The following SUCLG2 variants were observed in gnomAD, a reference collection of about 807,000 sequenced individuals.
SUCLG2 encodes the protein succinate-CoA ligase GDP-forming subunit beta, also known as succinate--CoA ligase [GDP-forming] subunit beta, mitochondrial.
Under a neutral mutation model 47.9 loss-of-function variants are expected in SUCLG2, and 42 were observed. The observed-to-expected ratio is 0.88, with a 90% confidence interval of 0.69 to 1.14. The LOEUF is 1.14. SUCLG2 is among the 50% of genes most tolerant of loss of function. SUCLG2 has a pLI of 0.00. For synonymous variants in SUCLG2, 195 were observed against 197.3 expected, an observed-to-expected ratio of 0.99 and a Z score of 0.10; for missense variants, 571 against 525.9, an observed-to-expected ratio of 1.09 and a Z score of -0.84.
chr3:67,442,448 T>C (rs535557323), intron 9 of SUCLG2, among the ~76,000 whole-genome samples: 2 of 152,288 alleles, frequency 1.3e-5, no homozygotes, highest in South Asian at 2.1e-4. Flanking sequence ...GGCTACTAAA[T>C]TGGAATCTCT....
intron 2 of SUCLG2, among the ~76,000 whole-genome samples, chr3:67,558,797 G>A (rs139494427): frequency 1.6e-3 from 239 of 152,202 alleles, no homozygotes; most frequent in African/African-American, 5.5e-3. Context: ...AGAAAGGGTC[G>A]CTCCCCTGGA....
intron 1 of SUCLG2, among the ~76,000 whole-genome samples, chr3:67,612,374 A>AAAAAT (rs5849770): frequency 6.7e-6 from 1 of 148,346 alleles, no homozygotes. Context: ...ACAAAAAAAA[A>AAAAAT]TGTGATACAT....
At chr3:67,376,010 A>G in intron 10 of SUCLG2, 151 bp from the exon 11 acceptor site, 1 of 1,390,502 alleles carries the variant, frequency 7.2e-7, no homozygotes, top group Non-Finnish European at 9.3e-7. Flanking sequence ...GACAGAAAAG[A>G]TTATGTGATG....
intron 9 of SUCLG2, among the ~76,000 whole-genome samples, chr3:67,459,569 G>T (rs1704274449): frequency 6.6e-6 from 1 of 152,152 alleles, no homozygotes; most frequent in South Asian, 2.1e-4. Context: ...TAATGAAAAA[G>T]AAATTTACCA....
chr3:67,447,714 TTTA>T (rs1260122791), intron 9 of SUCLG2, among the ~76,000 whole-genome samples: 1 of 152,266 alleles, frequency 6.6e-6, no homozygotes. Context: ...ATTTTATTTA[TTTA>T]TTGAGACAAT....
intron 9 of SUCLG2, among the ~76,000 whole-genome samples, chr3:67,424,517 G>A (rs1703250137): frequency 6.6e-6 from 1 of 152,164 alleles, no homozygotes; most frequent in Admixed American, 6.5e-5. Context: ...GGAATATAGT[G>A]TAAAATTGCC....
chr3:67,478,818 C>T (rs907310670), intron 9 of SUCLG2, among the ~76,000 whole-genome samples: 3 of 152,152 alleles, frequency 2.0e-5, no homozygotes, highest in Non-Finnish European at 4.4e-5. Flanking sequence ...ATCGGGTCAG[C>T]GTCTCACCAT....
At chr3:67,365,656 A>G (rs1054469077) in intron 10 of SUCLG2, among the ~76,000 whole-genome samples, 1 of 152,210 alleles carries the variant, frequency 6.6e-6, no homozygotes, top group African/African-American at 2.4e-5. Flanking sequence ...GACTAAGCAT[A>G]CATGTTCAGT....
At chr3:67,549,831 A>G (rs1706964575) in intron 2 of SUCLG2, among the ~76,000 whole-genome samples, 1 of 152,190 alleles carries the variant, frequency 6.6e-6, no homozygotes, top group African/African-American at 2.4e-5. Flanking sequence ...TGGTAGAGAA[A>G]GGTTGTAATG....
chr3:67,391,425 C>T (rs1280709877), intron 10 of SUCLG2, among the ~76,000 whole-genome samples: 1 of 152,036 alleles, frequency 6.6e-6, no homozygotes, highest in East Asian at 1.9e-4. Context: ...ATCCTTTGGT[C>T]TGCTGGAGGA....
intron 9 of SUCLG2, among the ~76,000 whole-genome samples, chr3:67,422,248 C>T (rs886319191): frequency 6.6e-6 from 1 of 151,370 alleles, no homozygotes; most frequent in African/African-American, 2.4e-5. Flanking sequence ...CTGAGGCAGG[C>T]GGATCACAAG....
intron 9 of SUCLG2, among the ~76,000 whole-genome samples, chr3:67,481,186 T>C (rs762022464): frequency 6.6e-6 from 1 of 152,250 alleles, no homozygotes; most frequent in Non-Finnish European, 1.5e-5. Flanking sequence ...CTCTTGCATG[T>C]CATGGCAAGG....
chr3:67,631,408 CCT>C (rs1700923474), intron 1 of SUCLG2, among the ~76,000 whole-genome samples: 1 of 151,974 alleles, frequency 6.6e-6, no homozygotes, highest in Non-Finnish European at 1.5e-5. Flanking sequence ...TGGGTGGATT[CCT>C]TGAGGCCAGG....
intron 2 of SUCLG2, among the ~76,000 whole-genome samples, chr3:67,554,834 A>C (rs549369373): frequency 5.9e-4 from 89 of 152,118 alleles, no homozygotes; most frequent in Non-Finnish European, 1.1e-3. Context: ...TTGGGAAATA[A>C]TTTATTCCAG....
intron 10 of SUCLG2, among the ~76,000 whole-genome samples, chr3:67,362,956 G>T (rs1015739761): frequency 1.3e-5 from 2 of 152,106 alleles, no homozygotes; most frequent in Non-Finnish European, 1.5e-5. Context: ...TGGGGCCTAG[G>T]CTTGACTTCT....
chr3:67,376,271 T>C lies in SUCLG2; in HGVS notation c.1184-412A>G, dbSNP rs190894438. ...GAATCTGCCCAGCTATGTCCACAAA[T>C]CCACTGCTTTGGAGACTCTGGCGCA... On this transcript the variant is annotated intron_variant, in intron 10 of 10. Coordinates refer to ENST00000307227, the MANE Select transcript of SUCLG2 (RefSeq NM_003848.4). 450 of 985,450 alleles carry C rather than the reference T, an allele frequency of 4.6e-4. 2 individuals are homozygous for C. The African/African-American group carries it at 7.4e-3, about 16-fold the overall frequency. 61.0% of individuals were successfully genotyped at this position (985,450 alleles called of 1,614,324 possible). A position where few individuals can be genotyped will look rare whatever the true frequency, so the allele number is the denominator to read the frequency against.
chr3:67,497,400 A>G (rs757348694), intron 8 of SUCLG2, among the ~76,000 whole-genome samples: 3 of 152,220 alleles, frequency 2.0e-5, no homozygotes, highest in African/African-American at 4.8e-5. Flanking sequence ...TCTGAGCACT[A>G]TAAGCTGTGA....
downstream of SUCLG2, among the ~76,000 whole-genome samples, chr3:67,370,348 G>A (rs2106748696): frequency 6.6e-6 from 1 of 152,166 alleles, no homozygotes. Flanking sequence ...TTAACTAGAG[G>A]TCCAAAATTC....
At chr3:67,603,797 T>C (rs1311142892) in intron 2 of SUCLG2, among the ~76,000 whole-genome samples, 1 of 152,236 alleles carries the variant, frequency 6.6e-6, no homozygotes, top group Admixed American at 6.5e-5. Context: ...TCCAGTTATA[T>C]GAGAGACACA....
Sources: gnomAD v4.1 joint callset for allele counts (sites outside exome capture counted in the v4.1 genomes callset) on GRCh38, gnomAD v4.1.1 for gene constraint, MANE v1.5 for transcripts, NCBI Gene and HGNC (gene_info 2026-07-23, HGNC 2026-07-21) for gene names.